ZNF536: variants seen among roughly 807,000 people sequenced by gnomAD.
The protein encoded by ZNF536 is zinc finger protein 536.
Under a neutral mutation model 84.5 loss-of-function variants are expected in ZNF536, and 13 were observed. That is an observed-to-expected ratio of 0.15 (90% CI 0.10 to 0.24). The LOEUF (loss-of-function observed/expected upper bound fraction) is 0.24, where lower values mean the gene tolerates loss of function less well. Ranked by LOEUF, ZNF536 falls within the 10% of genes least tolerant of loss-of-function variation. The probability of loss-of-function intolerance (pLI) is 1.00; values close to 1 mark genes in which losing one functional copy is unlikely to be tolerated. For synonymous variants in ZNF536, 811 were observed against 742.5 expected (o/e 1.09, Z -1.50); for missense variants, 1,536 against 1,747.5 (o/e 0.88, Z 2.16).
intron 3 of ZNF536, among the ~76,000 whole-genome samples, chr19:30,359,136 T>C (rs2048189746): frequency 6.6e-6 from 1 of 151,840 alleles, no homozygotes; most frequent in African/African-American, 2.4e-5. Flanking sequence ...GGAATCCAGT[T>C]CTTTTTAAAA....
chr19:30,629,020 G>A (rs548037500), intron 1 of ZNF536, among the ~76,000 whole-genome samples: 2 of 152,052 alleles, frequency 1.3e-5, no homozygotes, highest in Admixed American at 6.5e-5. Flanking sequence ...CACTTTTAAA[G>A]CACCTACCGA....
intron 2 of ZNF536, among the ~76,000 whole-genome samples, chr19:30,484,390 C>CTTT (rs375461433): frequency 0.038 from 4,493 of 117,272 alleles, 358 homozygotes; most frequent in African/African-American, 0.15. Flanking sequence ...TCATGCCCAG[C>CTTT]TTTTTTTTTT....
intron 1 of ZNF536, among the ~76,000 whole-genome samples, chr19:30,564,035 G>T (rs117550393): frequency 0.034 from 5,226 of 152,256 alleles, 116 homozygotes; most frequent in Middle Eastern, 0.051. Flanking sequence ...GGACCCAAGG[G>T]CTAAGGGGAC....
chr19:30,376,890 C>T (rs900074870), intron 1 of ZNF536, among the ~76,000 whole-genome samples: 22 of 152,330 alleles, frequency 1.4e-4, no homozygotes, highest in African/African-American at 4.3e-4. Context: ...TTCATTGCTG[C>T]GCCCAGCATC....
chr19:30,463,662 A>C (rs1374920827), intron 2 of ZNF536, among the ~76,000 whole-genome samples: 1 of 152,162 alleles, frequency 6.6e-6, no homozygotes, highest in African/African-American at 2.4e-5. Context: ...CTCTCAGCAC[A>C]AAAGGCACTT....
chr19:30,676,014 C>T (rs1041839291), intron 1 of ZNF536, among the ~76,000 whole-genome samples: 17 of 151,870 alleles, frequency 1.1e-4, no homozygotes, highest in African/African-American at 4.1e-4. Context: ...TGAGCCACTA[C>T]ATCAGGCTAA....
At chr19:30,442,268 G>A (rs1386403432) in intron 1 of ZNF536, among the ~76,000 whole-genome samples, 4 of 152,228 alleles carry the variant, frequency 2.6e-5, no homozygotes, top group Non-Finnish European at 5.9e-5. Context: ...GCCCTCCCTG[G>A]AGCCATCTGG....
chr19:30,236,854 A>G (rs1475256533), intron 1 of ZNF536, among the ~76,000 whole-genome samples: 1 of 152,112 alleles, frequency 6.6e-6, no homozygotes, highest in African/African-American at 2.4e-5. Context: ...GCATGTTGGC[A>G]TGTTTGTTCT....
intron 1 of ZNF536, among the ~76,000 whole-genome samples, chr19:30,704,034 G>C (rs2052112689): frequency 6.6e-6 from 1 of 152,134 alleles, no homozygotes; most frequent in Non-Finnish European, 1.5e-5. Flanking sequence ...GTAAAGCAAA[G>C]GTGCCAGAAC....
intron 2 of ZNF536, among the ~76,000 whole-genome samples, chr19:30,307,092 A>T (rs1269199346): frequency 6.6e-6 from 1 of 152,100 alleles, no homozygotes; most frequent in Non-Finnish European, 1.5e-5. Context: ...ATTACAGTGG[A>T]TGCTTTACTT....
intron 1 of ZNF536, among the ~76,000 whole-genome samples, chr19:30,413,172 T>G (rs1033753382): frequency 5.9e-5 from 9 of 152,176 alleles, no homozygotes; most frequent in African/African-American, 2.2e-4. Context: ...TTAGTTGTAT[T>G]GAATGAGCCT....
At chr19:30,590,822 T>C (rs140535868) in intron 1 of ZNF536, among the ~76,000 whole-genome samples, 1 of 152,318 alleles carries the variant, frequency 6.6e-6, no homozygotes, top group African/African-American at 2.4e-5. Flanking sequence ...GTGGTTCCCA[T>C]TTATAAAACA....
At chr19:30,476,237 C>A (rs1367645294) in intron 2 of ZNF536, among the ~76,000 whole-genome samples, 1 of 152,140 alleles carries the variant, frequency 6.6e-6, no homozygotes, top group Admixed American at 6.5e-5. Flanking sequence ...CACCTGGGAC[C>A]CCTGAATTCG....
chr19:30,247,902 G>A (rs1301347563), intron 1 of ZNF536, among the ~76,000 whole-genome samples: 1 of 152,176 alleles, frequency 6.6e-6, no homozygotes, highest in East Asian at 1.9e-4. Flanking sequence ...GTTTTCTCCA[G>A]ATTGTCTCAA....
intron 2 of ZNF536, among the ~76,000 whole-genome samples, chr19:30,516,887 C>T (rs540648477): frequency 7.2e-5 from 11 of 152,240 alleles, no homozygotes; most frequent in East Asian, 3.9e-4. Flanking sequence ...AGGAGAAGGT[C>T]GGGCCTTCTA....
At chr19:30,297,152 C>T (rs1329314203) in intron 2 of ZNF536, among the ~76,000 whole-genome samples, 2 of 152,188 alleles carry the variant, frequency 1.3e-5, no homozygotes, top group East Asian at 1.9e-4. Flanking sequence ...GACTGCAGCC[C>T]AAGCATCTGC....
At chr19:30,434,594 ATCTAAGAT>A (rs2051625224) in intron 1 of ZNF536, among the ~76,000 whole-genome samples, 1 of 152,240 alleles carries the variant, frequency 6.6e-6, no homozygotes, top group African/African-American at 2.4e-5. Context: ...AGCACCAATC[ATCTAAGAT>A]TGTATAAGGC....
At chr19:30,472,622 A>G (rs1449512333) in intron 2 of ZNF536, among the ~76,000 whole-genome samples, 1 of 152,170 alleles carries the variant, frequency 6.6e-6, no homozygotes, top group Non-Finnish European at 1.5e-5. Flanking sequence ...GACTTAAAGA[A>G]ATTCATCCTT....
chr19:30,310,901 A>G (rs2046480248), intron 2 of ZNF536, among the ~76,000 whole-genome samples: 1 of 152,230 alleles, frequency 6.6e-6, no homozygotes, highest in African/African-American at 2.4e-5. Context: ...GCTACTTTGT[A>G]AAACCCATTC....
Sources: gnomAD v4.1 joint callset for allele counts (sites outside exome capture counted in the v4.1 genomes callset) on GRCh38, gnomAD v4.1.1 for gene constraint, MANE v1.5 for transcripts, NCBI Gene and HGNC (gene_info 2026-07-23, HGNC 2026-07-21) for gene names.